Variants in TBL1X observed in about 807,000 individuals in gnomAD.
TBL1X encodes the protein F-box-like/WD repeat-containing protein TBL1X.
A neutral mutation model predicts 50.7 loss-of-function variants in TBL1X; 10 were observed. The ratio of observed to expected loss-of-function variants is 0.20; its 90% CI spans 0.12 to 0.33. The LOEUF (loss-of-function observed/expected upper bound fraction) is 0.33, where lower values mean the gene tolerates loss of function less well. Ranked by LOEUF, TBL1X falls within the 10% of genes least tolerant of loss-of-function variation. The pLI, the probability that TBL1X is intolerant of heterozygous loss-of-function variation, is 1.00. For synonymous variants in TBL1X, 190 were observed against 214.7 expected (o/e 0.88, Z 1.01); for missense variants, 340 against 504.4 (o/e 0.67, Z 3.12).
intron 1 of TBL1X, among the ~76,000 whole-genome samples, chrX:9,496,043 G>A (rs1449776715): frequency 8.9e-6 from 1 of 112,640 alleles, no homozygotes; most frequent in East Asian, 2.8e-4. Context: ...GGCTGTGTGT[G>A]TATACATAGT....
chrX:9,535,263 G>C (rs895259489), intron 2 of TBL1X, among the ~76,000 whole-genome samples: 9 of 111,778 alleles, frequency 8.1e-5, no homozygotes, highest in Admixed American at 9.5e-5. Context: ...GTCATTATTT[G>C]AGAGACAGAG....
In TBL1X at chrX:9,516,464, A is replaced by G. The variant is rs779844650; in HGVS notation, c.-131+14615A>G. Among the ~76,000 whole-genome samples, 18 of 112,300 alleles carry G rather than the reference A, an allele frequency of 1.6e-4. No individual in the cohort carries two copies. In the South Asian group the frequency reaches 3.3e-3, roughly 21 times the overall value. On this transcript the variant is annotated intron_variant, in intron 2 of 17. Transcript: ENST00000645353. Reference sequence around the variant, plus strand: ...TCAAGGGCCAGCACAGACGGAGATAAAGAGAGAGCCACAGGCACACTGGCC... The same window carrying G: ...TCAAGGGCCAGCACAGACGGAGATAGAGAGAGAGCCACAGGCACACTGGCC...
intron 5 of TBL1X, among the ~76,000 whole-genome samples, chrX:9,674,680 G>C (rs1372718581): frequency 4.7e-3 from 19 of 4,003 alleles, no homozygotes; most frequent in Admixed American, 9.2e-3. Flanking sequence ...TCCCGCCTCA[G>C]CCCCCCCCCC....
intron 7 of TBL1X, among the ~76,000 whole-genome samples, chrX:9,690,375 C>T (rs2083089329): frequency 8.9e-6 from 1 of 111,741 alleles, no homozygotes; most frequent in South Asian, 3.7e-4. Context: ...GGTTCCTTTG[C>T]GAGGCCTCTC....
At chrX:9,521,707 G>A (rs1047659130) in intron 2 of TBL1X, among the ~76,000 whole-genome samples, 1 of 111,649 alleles carries the variant, frequency 9.0e-6, no homozygotes, top group African/African-American at 3.3e-5. Context: ...ATCTGAATTT[G>A]GTTGTGAATG....
intron 2 of TBL1X, among the ~76,000 whole-genome samples, chrX:9,522,999 T>C (rs1247030375): frequency 8.9e-6 from 1 of 112,231 alleles, no homozygotes; most frequent in Non-Finnish European, 1.9e-5. Flanking sequence ...TAGTAAAAAC[T>C]GTAGGCTTTG....
chrX:9,484,609 G>A (rs766946900), intron 1 of TBL1X, among the ~76,000 whole-genome samples: 30 of 111,227 alleles, frequency 2.7e-4, no homozygotes, highest in African/African-American at 9.8e-4. Flanking sequence ...CTATTGCTGC[G>A]TAGGATTCCT....
intron 2 of TBL1X, among the ~76,000 whole-genome samples, chrX:9,519,738 G>C (rs998093682): frequency 8.9e-6 from 1 of 111,741 alleles, no homozygotes; most frequent in Non-Finnish European, 1.9e-5. Flanking sequence ...ACTTCTCCAG[G>C]CATTCAGCTG....
At chrX:9,589,074 G>A (rs901620049) in intron 2 of TBL1X, among the ~76,000 whole-genome samples, 4 of 111,392 alleles carry the variant, frequency 3.6e-5, no homozygotes, top group African/African-American at 9.8e-5. Flanking sequence ...ATTTGAAAGT[G>A]TATTTCAGTG....
At chrX:9,590,600 C>G (rs1050783682) in intron 2 of TBL1X, among the ~76,000 whole-genome samples, 1 of 112,209 alleles carries the variant, frequency 8.9e-6, no homozygotes, top group Admixed American at 9.4e-5. Flanking sequence ...GCATTTGAAT[C>G]TTGAACATTT....
At chrX:9,529,394 G>C (rs766734189) in intron 2 of TBL1X, among the ~76,000 whole-genome samples, 1 of 111,585 alleles carries the variant, frequency 9.0e-6, no homozygotes, top group Non-Finnish European at 1.9e-5. Context: ...CCTGAGGGAT[G>C]ATGGCCTCAT....
At chrX:9,514,249 G>A (rs756643961) in intron 2 of TBL1X, among the ~76,000 whole-genome samples, 9 of 111,310 alleles carry the variant, frequency 8.1e-5, no homozygotes, top group African/African-American at 9.8e-5. Context: ...TAGGAAGACC[G>A]GAGGCCAGTT....
intron 2 of TBL1X, among the ~76,000 whole-genome samples, chrX:9,577,420 C>T (rs1482349227): frequency 8.9e-6 from 1 of 111,959 alleles, no homozygotes; most frequent in African/African-American, 3.2e-5. Context: ...CCCACCTAGG[C>T]CTGATTTTGG....
At chrX:9,489,581 T>G (rs1423089072) in intron 1 of TBL1X, among the ~76,000 whole-genome samples, 1 of 111,418 alleles carries the variant, frequency 9.0e-6, no homozygotes, top group African/African-American at 3.3e-5. Context: ...ATGTGTCTCC[T>G]CATCAGGGGA....
intron 2 of TBL1X, among the ~76,000 whole-genome samples, chrX:9,635,553 G>C (rs1293017364): frequency 8.9e-6 from 1 of 112,002 alleles, no homozygotes; most frequent in African/African-American, 3.2e-5. Context: ...TAGTGAGCAT[G>C]TGCGGCCCTG....
intron 2 of TBL1X, among the ~76,000 whole-genome samples, chrX:9,544,980 A>C (rs940626229): frequency 1.0e-5 from 1 of 95,353 alleles, no homozygotes; most frequent in African/African-American, 3.9e-5. Context: ...TCCAAGGTTT[A>C]TGTAGTTATT....
intron 2 of TBL1X, among the ~76,000 whole-genome samples, chrX:9,611,458 G>C (rs1190903640): frequency 8.9e-6 from 1 of 112,063 alleles, no homozygotes; most frequent in East Asian, 2.8e-4. Flanking sequence ...TGTTCGATTT[G>C]CCATCATTGA....
intron 2 of TBL1X, among the ~76,000 whole-genome samples, chrX:9,581,756 G>A (rs983860711): frequency 3.6e-5 from 4 of 112,159 alleles, no homozygotes; most frequent in African/African-American, 9.7e-5. Flanking sequence ...ATCCTGTACT[G>A]GACAGATATG....
intron 2 of TBL1X, among the ~76,000 whole-genome samples, chrX:9,543,297 G>A (rs2082224742): frequency 8.9e-6 from 1 of 111,951 alleles, no homozygotes; most frequent in South Asian, 3.8e-4. Flanking sequence ...GAAGGAACGG[G>A]AAATCATCCG....
Sources: allele counts gnomAD v4.1 joint callset (sites outside exome capture counted in the v4.1 genomes callset), GRCh38; gene constraint gnomAD v4.1.1; transcripts MANE v1.5; gene names NCBI Gene and HGNC (gene_info 2026-07-23, HGNC 2026-07-21).